Variants in RHOU observed in about 807,000 individuals in gnomAD.
RHOU encodes ras homolog family member U, also known as rho-related GTP-binding protein RhoU.
Under a neutral mutation model 12.6 loss-of-function variants are expected in RHOU, and 8 were observed. The ratio of observed to expected loss-of-function variants is 0.64; its 90% CI spans 0.37 to 1.15. The LOEUF (loss-of-function observed/expected upper bound fraction) is 1.15. Ranked by LOEUF, RHOU falls within the 50% of genes most tolerant of loss-of-function variation. The pLI is 0.01. For missense variants in RHOU, 258 were observed against 347.0 expected (o/e 0.74, Z 2.04); for synonymous variants, 161 against 147.4 (o/e 1.09, Z -0.67).
rs1440539231 is a variant in RHOU at position 228,744,683 on chromosome 1, T to C, written c.*943T>C. On this transcript the variant is annotated 3_prime_UTR_variant, in exon 3 of 3. Transcript: ENST00000366691. The stretch of plus-strand genomic sequence containing the variant: ...TCTTGAAAGGCCAACAGCAAGTGTT[T>C]GTGGGACACAACACAGATAATTTTT... 6.6e-6 allele frequency: 1 copy of C among 152,232 alleles called. No homozygotes were observed. Among genetic ancestry groups the C allele is most frequent in the East Asian group, 1.9e-4 (1 of 5,188 alleles). The allele number at this position is 152,232 out of a possible 1,614,324, so 9.4% of individuals were successfully genotyped here.
the RHOU span, among the ~76,000 whole-genome samples, chr1:228,722,165 G>A: frequency 1.1e-4 from 17 of 152,338 alleles, no homozygotes; most frequent in African/African-American, 3.8e-4. Flanking sequence ...CTGTGGTAAG[G>A]TGCTAGGTAC....
chr1:228,716,501 C>G, the RHOU span, among the ~76,000 whole-genome samples: 265 of 152,250 alleles, frequency 1.7e-3, no homozygotes, highest in African/African-American at 5.5e-3. Flanking sequence ...TCACCATCAC[C>G]ATTTATTGTC....
chr1:228,646,890 G>A, the RHOU span, among the ~76,000 whole-genome samples: 2 of 151,966 alleles, frequency 1.3e-5, no homozygotes, highest in African/African-American at 4.8e-5. Flanking sequence ...ACCGAGGGAG[G>A]GAGAGAGACA....
the RHOU span, chr1:228,687,813 G>GATAA: frequency 7.8e-7 from 1 of 1,281,170 alleles, no homozygotes; most frequent in Non-Finnish European, 1.1e-6. Flanking sequence ...GGGGGACAGT[G>GATAA]ATAATGAAAG....
chr1:228,707,676 A>G, the RHOU span, among the ~76,000 whole-genome samples: 1 of 152,174 alleles, frequency 6.6e-6, no homozygotes, highest in African/African-American at 2.4e-5. Flanking sequence ...ATCATCAAAG[A>G]CCAAAAGTAG....
At chr1:228,690,628 T>G in the RHOU span, among the ~76,000 whole-genome samples, 17 of 150,630 alleles carry the variant, frequency 1.1e-4, 1 homozygote, top group South Asian at 3.4e-3. Context: ...GGCTGTTTGG[T>G]TTTTTTTGAG....
the RHOU span, among the ~76,000 whole-genome samples, chr1:228,652,019 G>A: frequency 6.6e-6 from 1 of 152,176 alleles, no homozygotes; most frequent in African/African-American, 2.4e-5. Context: ...CTTCCTCACT[G>A]ACCTTGGACT....
In RHOU at chr1:228,737,970, GC is replaced by G. The variant is rs777085339; in HGVS notation, c.321+240del. On this transcript the variant is annotated intron_variant, in intron 2 of 2. Coordinates refer to ENST00000366691, the MANE Select transcript of RHOU (RefSeq NM_021205.6). The surrounding 1 kb of genome is among the most constrained non-coding windows in gnomAD (Gnocchi z 4.1). ...GTTTGGCCCAGCTCTGCGTAACCAG[GC>G]AAGGGAGGAAGCAGTGTCAAGAACA... is the stretch of plus-strand genomic sequence containing the variant. Among the ~76,000 whole-genome samples, 58 of 152,280 alleles carry G rather than the reference GC, an allele frequency of 3.8e-4. No individual in the cohort carries two copies. Among genetic ancestry groups the G allele is most frequent in the Non-Finnish European group, 7.9e-4 (54 of 68,006 alleles).
chr1:228,736,891 G>T (rs943251481), intron 1 of RHOU, among the ~76,000 whole-genome samples: 1 of 152,098 alleles, frequency 6.6e-6, no homozygotes, highest in African/African-American at 2.4e-5. Context: ...AGAGAAATGG[G>T]TGCTGTACTG....
At chr1:228,693,806 C>A in the RHOU span, among the ~76,000 whole-genome samples, 2 of 152,094 alleles carry the variant, frequency 1.3e-5, no homozygotes, top group Admixed American at 1.3e-4. Context: ...AACTGTGAAG[C>A]TAAAAGAAGA....
the RHOU span, among the ~76,000 whole-genome samples, chr1:228,648,910 G>C: frequency 6.6e-6 from 1 of 151,338 alleles, no homozygotes; most frequent in East Asian, 1.9e-4. Context: ...CTGTTGGCCA[G>C]GCTGGAGTGC....
At chr1:228,653,612 C>T in the RHOU span, among the ~76,000 whole-genome samples, 2 of 152,054 alleles carry the variant, frequency 1.3e-5, no homozygotes, top group Non-Finnish European at 2.9e-5. Context: ...AGCCACTGCG[C>T]CCAGCCTTAA....
At position 228,736,308 on chromosome 1, in the gene RHOU, G is replaced by C. The variant is rs375293232; in HGVS notation, c.262+304G>C. Among the ~76,000 whole-genome samples, 107 of 151,268 alleles carry C rather than the reference G, an allele frequency of 7.1e-4. 1 individual carries two copies. Among genetic ancestry groups the C allele is most frequent in the African/African-American group, 2.5e-3 (103 of 41,184 alleles). ...TCACAATTTAAGCAACAGATAAGTA[G>C]GAGTGAAACAGGTTGAGTTCAGGGT... On this transcript the variant is annotated intron_variant, in intron 1 of 2. Coordinates refer to ENST00000366691, the MANE Select transcript of RHOU (RefSeq NM_021205.6).
At chr1:228,687,718 A>T in the RHOU span, 1 of 1,466,160 alleles carries the variant, frequency 6.8e-7, no homozygotes. Context: ...GCCATCAAAG[A>T]ATTGGGTGAG....
chr1:228,660,544 A>C, the RHOU span, among the ~76,000 whole-genome samples: 19 of 152,002 alleles, frequency 1.2e-4, 1 homozygote, highest in East Asian at 3.7e-3. Context: ...ATAATATCCC[A>C]TATGAAGATT....
At chr1:228,680,002 T>C in the RHOU span, among the ~76,000 whole-genome samples, 1 of 152,106 alleles carries the variant, frequency 6.6e-6, no homozygotes, top group Non-Finnish European at 1.5e-5. Context: ...ATTGTCCAAG[T>C]TGGCACCAGA....
the RHOU span, among the ~76,000 whole-genome samples, chr1:228,674,506 C>G: frequency 6.6e-6 from 1 of 151,820 alleles, no homozygotes; most frequent in Non-Finnish European, 1.5e-5. Context: ...GCCACCACAC[C>G]CAGCTAATTT....
chr1:228,665,582 G>A, the RHOU span, among the ~76,000 whole-genome samples: 1 of 152,204 alleles, frequency 6.6e-6, no homozygotes, highest in Non-Finnish European at 1.5e-5. Flanking sequence ...AGTGGGGACA[G>A]TAATATATCT....
At chr1:228,696,615 C>T in the RHOU span, among the ~76,000 whole-genome samples, 1 of 152,138 alleles carries the variant, frequency 6.6e-6, no homozygotes, top group African/African-American at 2.4e-5. Context: ...GGTGCTATCA[C>T]AGCTCAGTGC....
Sources: gnomAD v4.1 joint callset for allele counts (sites outside exome capture counted in the v4.1 genomes callset) on GRCh38, gnomAD v4.1.1 for gene constraint, Gnocchi (gnomAD v3.1) non-coding constraint, MANE v1.5 for transcripts, NCBI Gene and HGNC (gene_info 2026-07-23, HGNC 2026-07-21) for gene names.